PEPD: variants seen among roughly 807,000 people sequenced by gnomAD.
PEPD encodes the protein peptidase D, also known as xaa-Pro dipeptidase.
Under a neutral mutation model 60.7 loss-of-function variants are expected in PEPD, and 53 were observed. The observed-to-expected ratio is 0.87, with a 90% confidence interval of 0.70 to 1.10. PEPD has a LOEUF of 1.10. Among genes scored for constraint, PEPD ranks in the 50% least tolerant of loss-of-function variants. The probability of loss-of-function intolerance (pLI) is 0.00; values close to 1 mark genes in which losing one functional copy is unlikely to be tolerated. For missense variants in PEPD, 711 were observed against 711.9 expected (o/e 1.00, Z 0.01); for synonymous variants, 267 against 284.1 (o/e 0.94, Z 0.60).
chr19:33,474,854 C>A (rs1034979843), intron 7 of PEPD, among the ~76,000 whole-genome samples: 2 of 151,728 alleles, frequency 1.3e-5, no homozygotes, highest in East Asian at 3.9e-4. Context: ...GTGGCGTGTA[C>A]CTGGAGTCAC....
intron 9 of PEPD, among the ~76,000 whole-genome samples, chr19:33,455,234 T>C (rs980671583): frequency 3.3e-5 from 5 of 152,226 alleles, no homozygotes; most frequent in African/African-American, 1.2e-4. Flanking sequence ...ACTTTACTAA[T>C]ACATAATAGG....
chr19:33,461,798 C>CA (rs1410332518), intron 9 of PEPD, among the ~76,000 whole-genome samples: 27 of 152,284 alleles, frequency 1.8e-4, no homozygotes, highest in Admixed American at 1.6e-3. Flanking sequence ...CACGCAGACG[C>CA]AAGTGCTGGG....
Position 33,446,756 on chromosome 19 carries a change from C to T in PEPD, c.671+16239G>A, listed in dbSNP as rs533596991. Among the ~76,000 whole-genome samples the T allele has an allele frequency of 9.2e-5, 14 of 152,348 alleles. No individual in the cohort carries two copies. In the East Asian group the frequency reaches 1.7e-3, roughly 19 times the overall value. Reference sequence around the variant, plus strand: ...CCCAGCGGGCATCAGGACCCCGCACCGAGGGTGGTGAGGCCTTTCTGCCAC... The same window carrying T: ...CCCAGCGGGCATCAGGACCCCGCACTGAGGGTGGTGAGGCCTTTCTGCCAC... On this transcript the variant is annotated intron_variant, in intron 9 of 14. Coordinates refer to ENST00000244137, the MANE Select transcript of PEPD (RefSeq NM_000285.4).
At chr19:33,415,773 T>C (rs144194067) in intron 9 of PEPD, among the ~76,000 whole-genome samples, 38 of 152,284 alleles carry the variant, frequency 2.5e-4, no homozygotes, top group African/African-American at 6.0e-4. Flanking sequence ...GCCGGCCACG[T>C]TGACAACTCC....
intron 11 of PEPD, among the ~76,000 whole-genome samples, chr19:33,408,131 A>G (rs1968678106): frequency 6.6e-6 from 1 of 152,252 alleles, no homozygotes; most frequent in Admixed American, 6.5e-5. Context: ...AGGGGGGCCT[A>G]GCCAGCCCCA....
chr19:33,498,452 T>A (rs1373006299), intron 4 of PEPD, among the ~76,000 whole-genome samples: 1 of 152,088 alleles, frequency 6.6e-6, no homozygotes, highest in Non-Finnish European at 1.5e-5. Flanking sequence ...CCCCCAGAAA[T>A]CACAGTAGAC....
At position 33,513,606 on chromosome 19, in the gene PEPD, C is replaced by T. The variant is rs114091571; in HGVS notation, c.18-830G>A. Among the ~76,000 whole-genome samples the T allele has an allele frequency of 2.8e-3, 430 of 152,316 alleles. 1 individual carries two copies. The highest frequency in any genetic ancestry group is 9.2e-3 in the African/African-American group (381 of 41,574). On this transcript the variant is annotated intron_variant, in intron 1 of 14. Coordinates refer to ENST00000244137, the MANE Select transcript of PEPD (RefSeq NM_000285.4). ...GCTCTTGGCCGCAACTTCCCCGTGG[C>T]CTGGTCTGCACCTTCTGCCAGAAGG...
At chr19:33,478,608 TA>T (rs1047315892) in intron 6 of PEPD, among the ~76,000 whole-genome samples, 1 of 151,970 alleles carries the variant, frequency 6.6e-6, no homozygotes, top group African/African-American at 2.4e-5. Context: ...GATCCTCAAT[TA>T]GATTATTAGC....
intron 4 of PEPD, among the ~76,000 whole-genome samples, chr19:33,494,019 T>G (rs1245042973): frequency 6.6e-6 from 1 of 152,250 alleles, no homozygotes; most frequent in Non-Finnish European, 1.5e-5. Context: ...GCACTCAGGA[T>G]GAAAGCCCCA....
At chr19:33,449,354 G>A (rs79051716) in intron 9 of PEPD, among the ~76,000 whole-genome samples, 1,702 of 152,266 alleles carry the variant, frequency 0.011, 26 homozygotes, top group South Asian at 0.071. Flanking sequence ...ACAGCTCTTG[G>A]CCAGCTGTGC....
chr19:33,395,415 T>C (rs116640269), intron 12 of PEPD, among the ~76,000 whole-genome samples: 4,480 of 152,154 alleles, frequency 0.029, 194 homozygotes, highest in African/African-American at 0.094. Context: ...TTGTGCCCCA[T>C]CCCCCACTCC....
chr19:33,449,735 T>C (rs1969660358), intron 9 of PEPD, among the ~76,000 whole-genome samples: 1 of 137,174 alleles, frequency 7.3e-6, no homozygotes, highest in African/African-American at 2.9e-5. Flanking sequence ...CTATCGCAGG[T>C]GCTCACAGGG....
chr19:33,492,845 C>T lies in PEPD; in HGVS notation c.441+445G>A, dbSNP rs374382427. On this transcript the variant is annotated intron_variant, in intron 5 of 14. Transcript: ENST00000244137. ...ACAGCTATTCAGACTGAGCAGGTAT[C>T]GCTACTTATCACTGATGACCATTCC... 1.2e-4 allele frequency among the ~76,000 whole-genome samples: 19 copies of T among 152,234 alleles called. 2 individuals are homozygous for T. The highest frequency in any genetic ancestry group is 4.6e-4 in the African/African-American group (19 of 41,546).
At chr19:33,457,854 C>CAA (rs1300900132) in intron 9 of PEPD, among the ~76,000 whole-genome samples, 15 of 127,340 alleles carry the variant, frequency 1.2e-4, no homozygotes, top group African/African-American at 2.6e-4. Context: ...AACAAACAAG[C>CAA]AAACAAAAAG....
intron 5 of PEPD, 34 bp from the exon 6 acceptor site, chr19:33,490,091 G>T (rs183279443): frequency 6.0e-6 from 9 of 1,504,360 alleles, no homozygotes; most frequent in Non-Finnish European, 8.3e-6. Flanking sequence ...GACACACGGG[G>T]CCGCATGGCG....
At chr19:33,489,394 T>C (rs1970455442) in intron 6 of PEPD, among the ~76,000 whole-genome samples, 1 of 152,008 alleles carries the variant, frequency 6.6e-6, no homozygotes. Flanking sequence ...TGTGGGAAGC[T>C]GAGGTGGGTG....
At chr19:33,506,577 AC>A in intron 3 of PEPD, among the ~76,000 whole-genome samples, 1 of 135,812 alleles carries the variant, frequency 7.4e-6, no homozygotes, top group East Asian at 2.4e-4. Context: ...CAACCTACAC[AC>A]CACACACACT....
intron 6 of PEPD, among the ~76,000 whole-genome samples, chr19:33,484,640 G>A (rs984787153): frequency 6.6e-6 from 1 of 152,074 alleles, no homozygotes; most frequent in Non-Finnish European, 1.5e-5. Flanking sequence ...GGGGAATGTA[G>A]ACACACATAT....
intron 9 of PEPD, among the ~76,000 whole-genome samples, chr19:33,419,623 G>A (rs543658734): frequency 8.3e-4 from 127 of 152,334 alleles, no homozygotes; most frequent in African/African-American, 3.0e-3. Flanking sequence ...GGTGGGGGCT[G>A]GAACAGTGCT....
Sources: gnomAD v4.1 joint callset for allele counts (sites outside exome capture counted in the v4.1 genomes callset) on GRCh38, gnomAD v4.1.1 for gene constraint, MANE v1.5 for transcripts, NCBI Gene and HGNC (gene_info 2026-07-23, HGNC 2026-07-21) for gene names.